EPM2A: variants seen among roughly 807,000 people sequenced by gnomAD.
EPM2A encodes laforin.
A neutral mutation model predicts 26.5 loss-of-function variants in EPM2A; 21 were observed. That is an observed-to-expected ratio of 0.79 (90% CI 0.56 to 1.14). The LOEUF (loss-of-function observed/expected upper bound fraction) is 1.14, where lower values mean the gene tolerates loss of function less well. Ranked by LOEUF, EPM2A falls within the 50% of genes most tolerant of loss-of-function variation. The pLI, the probability that EPM2A is intolerant of heterozygous loss-of-function variation, is 0.00. For missense variants in EPM2A, 458 were observed against 440.8 expected, an observed-to-expected ratio of 1.04 and a Z score of -0.35; for synonymous variants, 217 against 177.6, an observed-to-expected ratio of 1.22 and a Z score of -1.76.
intron 1 of EPM2A, among the ~76,000 whole-genome samples, chr6:145,718,604 C>A (rs1457913421): frequency 2.6e-5 from 4 of 151,956 alleles, no homozygotes; most frequent in South Asian, 4.2e-4. Flanking sequence ...GCAACAAAAG[C>A]CAAAATTGAC....
At chr6:145,692,043 T>G in intron 1 of EPM2A, among the ~76,000 whole-genome samples, 1 of 151,980 alleles carries the variant, frequency 6.6e-6, no homozygotes, top group East Asian at 1.9e-4. Context: ...AGATATACTA[T>G]GCAAACATTA....
chr6:145,677,972 A>G (rs1236393838), intron 2 of EPM2A, among the ~76,000 whole-genome samples: 2 of 152,192 alleles, frequency 1.3e-5, no homozygotes, highest in African/African-American at 2.4e-5. Context: ...CATTGCCATG[A>G]CAATCATAAG....
At chr6:145,591,548 T>C (rs993897145) in intron 2 of EPM2A, among the ~76,000 whole-genome samples, 5 of 152,134 alleles carry the variant, frequency 3.3e-5, no homozygotes, top group African/African-American at 1.2e-4. Flanking sequence ...CAGTAAAGTA[T>C]TTAAAGTGTT....
intron 2 of EPM2A, among the ~76,000 whole-genome samples, chr6:145,580,287 T>A (rs1026225187): frequency 1.4e-4 from 22 of 152,262 alleles, no homozygotes; most frequent in Admixed American, 3.3e-4. Flanking sequence ...GCATAATTTA[T>A]CATTTATGAT....
chr6:145,417,975 C>A lies in EPM2A; in HGVS notation c.556-33878G>T, dbSNP rs982361561. Among the ~76,000 whole-genome samples, 5 of 152,236 alleles carry A rather than the reference C, an allele frequency of 3.3e-5. No homozygotes were observed. The South Asian group carries it at 8.3e-4, about 25-fold the overall frequency. ...TGGAAACTACAATCTCACCACACCGCCCACTCCCTCCCTCACACCCCTGAT... is the reference window on the plus strand; with the variant it reads ...TGGAAACTACAATCTCACCACACCGACCACTCCCTCCCTCACACCCCTGAT... On this transcript the variant is annotated intron_variant, in intron 4 of 4. Transcript: ENST00000638717.
intron 1 of EPM2A, among the ~76,000 whole-genome samples, chr6:145,713,625 G>C (rs77155736): frequency 6.6e-6 from 1 of 152,128 alleles, no homozygotes; most frequent in Admixed American, 6.6e-5. Flanking sequence ...TACACTGCTG[G>C]TGAGTGGAAA....
At chr6:145,486,979 T>A (rs1711592760) in intron 4 of EPM2A, among the ~76,000 whole-genome samples, 1 of 152,100 alleles carries the variant, frequency 6.6e-6, no homozygotes, top group Non-Finnish European at 1.5e-5. Context: ...TTGCTTTTTA[T>A]CCTCTCCCTC....
chr6:145,703,889 T>C (rs1167055531), intron 1 of EPM2A, among the ~76,000 whole-genome samples: 3 of 152,206 alleles, frequency 2.0e-5, no homozygotes, highest in Non-Finnish European at 4.4e-5. Flanking sequence ...ACATCAAGGA[T>C]TTCACATAAC....
At chr6:145,430,335 C>T (rs1435715584) in intron 4 of EPM2A, among the ~76,000 whole-genome samples, 1 of 152,080 alleles carries the variant, frequency 6.6e-6, no homozygotes, top group Non-Finnish European at 1.5e-5. Flanking sequence ...AGCGGTGGCT[C>T]ACGGTTGTAA....
At chr6:145,397,680 A>G (rs1376666629) in intron 4 of EPM2A, among the ~76,000 whole-genome samples, 1 of 152,294 alleles carries the variant, frequency 6.6e-6, no homozygotes, top group African/African-American at 2.4e-5. Context: ...TGGAAAATAC[A>G]TCAGTTAAAA....
intron 4 of EPM2A, among the ~76,000 whole-genome samples, chr6:145,403,470 T>C (rs1364478236): frequency 7.0e-6 from 1 of 141,974 alleles, no homozygotes; most frequent in African/African-American, 2.5e-5. Context: ...TCTATGTCCA[T>C]GAGTTCAATT....
chr6:145,472,446 TA>T (rs142481115), intron 4 of EPM2A, among the ~76,000 whole-genome samples: 10,653 of 151,640 alleles, frequency 0.07, 1,090 homozygotes, highest in African/African-American at 0.22. Flanking sequence ...GGGGGTAGAG[TA>T]CCAAGCAGGG....
chr6:145,549,910 G>A (rs1253066977), intron 2 of EPM2A, among the ~76,000 whole-genome samples: 1 of 152,072 alleles, frequency 6.6e-6, no homozygotes, highest in African/African-American at 2.4e-5. Flanking sequence ...TCCATCGCCT[G>A]CCCTGACATA....
chr6:145,545,122 A>G (rs996919348), intron 2 of EPM2A, among the ~76,000 whole-genome samples: 3 of 152,168 alleles, frequency 2.0e-5, no homozygotes, highest in African/African-American at 4.8e-5. Context: ...ATCATAATCC[A>G]GTCCACCATT....
At chr6:145,424,062 T>TTACACCACCCATGCTC (rs1436452409) in intron 4 of EPM2A, among the ~76,000 whole-genome samples, 11 of 152,006 alleles carry the variant, frequency 7.2e-5, no homozygotes, top group Admixed American at 1.3e-4. Context: ...ATAGCATGGG[T>TTACACCACCCATGCTC]TACACCACCC....
At chr6:145,624,564 G>A (rs1257417285), downstream of EPM2A, among the ~76,000 whole-genome samples, 1 of 152,060 alleles carries the variant, frequency 6.6e-6, no homozygotes, top group Non-Finnish European at 1.5e-5. Context: ...CTTTGCAATA[G>A]GAAAAAGTCA....
intron 4 of EPM2A, among the ~76,000 whole-genome samples, chr6:145,455,240 T>G (rs1282037086): frequency 3.3e-5 from 5 of 152,104 alleles, no homozygotes; most frequent in Admixed American, 3.3e-4. Flanking sequence ...ATAGTAAATA[T>G]ATGTATATGA....
chr6:145,735,248 A>G lies in EPM2A; in HGVS notation c.251T>C (p.Phe84Ser). 1 of 1,537,256 alleles carries G rather than the reference A, an allele frequency of 6.5e-7. No individual in the cohort carries two copies. Among genetic ancestry groups the G allele is most frequent in the Non-Finnish European group, 8.8e-7 (1 of 1,141,356 alleles). Residue 84 changes from phenylalanine to serine, a missense_variant, in exon 1 of 4, where the codon TTC (phenylalanine) becomes TCC (serine). Transcript: ENST00000367519. ...DGAEPGRVDT[F>S]WYKFLKREPG... ...CTCCCGCTTCAGGAACTTGTACCAG[A>G]ACGTGTCCACGCGGCCCGGCTCCGC... is the stretch of plus-strand genomic sequence containing the variant.
chr6:145,627,814 G>T, intron 3 of EPM2A, 121 bp from the exon 4 acceptor site: 1 of 1,407,996 alleles, frequency 7.1e-7, no homozygotes. Context: ...GGATACGAGA[G>T]TTTGCTTTCT....
Sources: gnomAD v4.1 joint callset for allele counts (sites outside exome capture counted in the v4.1 genomes callset) on GRCh38, gnomAD v4.1.1 for gene constraint, MANE v1.5 for transcripts, NCBI Gene and HGNC (gene_info 2026-07-23, HGNC 2026-07-21) for gene names.